Variants in ITPR1 observed in about 807,000 individuals in gnomAD.
ITPR1 encodes inositol 1,4,5-trisphosphate-gated calcium channel ITPR1.
ITPR1 carries 96 observed loss-of-function variants against 318.4 expected under a neutral mutation model. The ratio of observed to expected loss-of-function variants is 0.30; its 90% CI spans 0.26 to 0.36. ITPR1 has a LOEUF of 0.36. Ranked by LOEUF, ITPR1 falls within the 10% of genes least tolerant of loss-of-function variation. The probability of loss-of-function intolerance (pLI) is 1.00; values close to 1 mark genes in which losing one functional copy is unlikely to be tolerated. For missense variants in ITPR1, 2,440 were observed against 3,460.2 expected, an observed-to-expected ratio of 0.71 and a Z score of 7.40; for synonymous variants, 1,312 against 1,289.9, an observed-to-expected ratio of 1.02 and a Z score of -0.37.
chr3:4,536,347 T>C (rs547463931), intron 4 of ITPR1, among the ~76,000 whole-genome samples: 23 of 152,248 alleles, frequency 1.5e-4, no homozygotes, highest in Non-Finnish European at 3.1e-4. Flanking sequence ...GAGGTATATT[T>C]AAGGGAATAC....
intron 4 of ITPR1, among the ~76,000 whole-genome samples, chr3:4,590,214 A>G (rs1316980439): frequency 8.3e-6 from 1 of 120,684 alleles, no homozygotes; most frequent in African/African-American, 3.3e-5. Context: ...AGCAGGTACT[A>G]CTCTCAACAC....
chr3:4,506,860 G>A (rs1012389684), intron 2 of ITPR1, among the ~76,000 whole-genome samples: 6 of 152,100 alleles, frequency 3.9e-5, no homozygotes, highest in Admixed American at 6.6e-5. Context: ...AAAGTTTATG[G>A]CAGCAGTTTT....
intron 2 of ITPR1, among the ~76,000 whole-genome samples, chr3:4,510,963 G>A (rs944644622): frequency 2.6e-5 from 4 of 152,288 alleles, no homozygotes; most frequent in Admixed American, 6.5e-5. Context: ...GACTGGAGGA[G>A]CCACCAGGCT....
intron 4 of ITPR1, among the ~76,000 whole-genome samples, chr3:4,578,064 C>T (rs1199410819): frequency 6.6e-6 from 1 of 152,164 alleles, no homozygotes; most frequent in Non-Finnish European, 1.5e-5. Flanking sequence ...AAATATTAGC[C>T]CTTCCAGCTC....
Position 4,768,759 on chromosome 3 carries a change from C to G in ITPR1, c.5974C>G (p.Leu1992Val). Residue 1992 changes from leucine to valine, a missense_variant, in exon 46 of 62, where the codon CTG (leucine) becomes GTG (valine). Coordinates refer to ENST00000649015, the MANE Select transcript of ITPR1 (RefSeq NM_001378452.1). ...QLLCENHNRD[L>V]QNFLRCQNNK... is the part of the protein sequence containing the mutation. ...CCTGTGTGAAAACCACAACCGAGAC[C>G]TGCAGGTGAGGGCCTGGGGGTGGGG... The G allele has an allele frequency of 6.2e-7, 1 of 1,609,710 alleles. No individual in the cohort carries two copies. Among genetic ancestry groups the G allele is most frequent in the Non-Finnish European group, 8.5e-7 (1 of 1,176,634 alleles).
rs567287505 is a variant in ITPR1, at chr3:4,612,379, T to C, written c.164-15384T>C. The stretch of plus-strand genomic sequence containing the variant: ...ACCTGGCCACTATATCAGGCACTTT[T>C]GAGCATCTGTGGATTATGGAATCCA... On this transcript the variant is annotated intron_variant, in intron 4 of 61. Transcript: ENST00000649015. 8.5e-5 allele frequency among the ~76,000 whole-genome samples: 13 copies of C among 152,194 alleles called. No homozygotes were observed. The East Asian group carries it at 1.7e-3, about 20-fold the overall frequency.
At chr3:4,814,754 C>T (rs1193831355) in intron 58 of ITPR1, 192 bp downstream of exon 58, 7 of 629,140 alleles carry the variant, frequency 1.1e-5, no homozygotes, top group African/African-American at 1.8e-5. Flanking sequence ...AAGTCAGCTG[C>T]GTGGAAAGGG....
Position 4,497,270 on chromosome 3 carries a change from G to A in ITPR1, c.-17+2764G>A, listed in dbSNP as rs533229293. On this transcript the variant is annotated intron_variant, in intron 2 of 61. Transcript: ENST00000649015. ...CATTCAACTTTGAGATTTCTAAATT[G>A]GATGTAGTTTAAGGCACATGGTGTG... Among the ~76,000 whole-genome samples the A allele has an allele frequency of 9.8e-5, 15 of 152,314 alleles. No individual in the cohort carries two copies. In the South Asian group the frequency reaches 3.1e-3, roughly 32 times the overall value.
At chr3:4,565,206 A>G (rs1050443701) in intron 4 of ITPR1, among the ~76,000 whole-genome samples, 1 of 152,188 alleles carries the variant, frequency 6.6e-6, no homozygotes, top group Non-Finnish European at 1.5e-5. Flanking sequence ...AGTTGAGGGA[A>G]CTGAGGCTTA....
rs566185575 is a variant in ITPR1 at position 4,707,939 on chromosome 3, C to T, written c.4842+1588C>T. Among the ~76,000 whole-genome samples the T allele has an allele frequency of 5.0e-4, 76 of 152,256 alleles. 1 individual carries two copies. Among genetic ancestry groups the T allele is most frequent in the African/African-American group, 1.7e-3 (70 of 41,558 alleles). On this transcript the variant is annotated intron_variant, in intron 37 of 61. Coordinates refer to ENST00000649015, the MANE Select transcript of ITPR1 (RefSeq NM_001378452.1). The stretch of plus-strand genomic sequence containing the variant: ...AAACCAGAAATGATGATCTTTGTCT[C>T]ATAGTATCTCAAGTATCAGAAGGGA...
intron 44 of ITPR1, among the ~76,000 whole-genome samples, chr3:4,744,729 G>T (rs1472422801): frequency 6.6e-6 from 1 of 152,156 alleles, no homozygotes; most frequent in Non-Finnish European, 1.5e-5. Flanking sequence ...TTTCCCCTTT[G>T]TTCTGTGCTC....
intron 57 of ITPR1, among the ~76,000 whole-genome samples, chr3:4,814,140 G>C (rs1282147624): frequency 6.6e-6 from 1 of 152,144 alleles, no homozygotes; most frequent in Non-Finnish European, 1.5e-5. Context: ...TTTGCGGCTG[G>C]GTCTGGGGTT....
chr3:4,629,482 A>G (rs1452123897), intron 5 of ITPR1, among the ~76,000 whole-genome samples: 2 of 152,164 alleles, frequency 1.3e-5, no homozygotes, highest in African/African-American at 4.8e-5. Context: ...AGCTTCGTTA[A>G]TTATCACCTG....
At chr3:4,497,547 T>G (rs2080688206) in intron 2 of ITPR1, among the ~76,000 whole-genome samples, 1 of 152,112 alleles carries the variant, frequency 6.6e-6, no homozygotes, top group Non-Finnish European at 1.5e-5. Flanking sequence ...AAAAGAAAAC[T>G]GGTTAAAGGG....
intron 60 of ITPR1, chr3:4,825,727 G>A (rs2050029776): frequency 2.2e-6 from 1 of 456,584 alleles, no homozygotes; most frequent in South Asian, 1.5e-5. Flanking sequence ...TTTAAAAGGG[G>A]AACTGGCTGA....
chr3:4,716,478 C>T (rs778825127), intron 39 of ITPR1, among the ~76,000 whole-genome samples: 5 of 152,082 alleles, frequency 3.3e-5, no homozygotes, highest in African/African-American at 1.2e-4. Flanking sequence ...AATCCATTTC[C>T]CTTCTGAATA....
intron 60 of ITPR1, among the ~76,000 whole-genome samples, chr3:4,828,217 T>G (rs3805027): frequency 0.41 from 62,025 of 151,982 alleles, 12,919 homozygotes; most frequent in Middle Eastern, 0.52. Flanking sequence ...CAATGCATTG[T>G]TGTATAAAAG....
At chr3:4,533,849 T>C (rs2083625115) in intron 4 of ITPR1, among the ~76,000 whole-genome samples, 1 of 152,192 alleles carries the variant, frequency 6.6e-6, no homozygotes. Flanking sequence ...CTCGAGATGG[T>C]AATCCTGCCT....
Position 4,782,705 on chromosome 3 carries a change from G to A in ITPR1, c.6474G>A (p.Arg2158=), listed in dbSNP as rs2125397953. The A allele has an allele frequency of 3.1e-6, 5 of 1,593,188 alleles. No individual in the cohort carries two copies. The highest frequency in any genetic ancestry group is 4.3e-6 in the Non-Finnish European group (5 of 1,169,166). The change falls in exon 50 of 62, where the codon AGG becomes AGA. Residue 2158 remains arginine (R), a synonymous_variant. Coordinates refer to ENST00000649015, the MANE Select transcript of ITPR1 (RefSeq NM_001378452.1). Reference sequence around the variant, plus strand: ...GTGAGGATGGGGCGGCGTCCCCCAGGAACGTGGGGCACAACATCTACATAT... The same window carrying A: ...GTGAGGATGGGGCGGCGTCCCCCAGAAACGTGGGGCACAACATCTACATAT... ...ENGEDGAASP[R]NVGHNIYILA...
Sources: gnomAD v4.1 joint callset for allele counts (sites outside exome capture counted in the v4.1 genomes callset) on GRCh38, gnomAD v4.1.1 for gene constraint, MANE v1.5 for transcripts, NCBI Gene and HGNC (gene_info 2026-07-23, HGNC 2026-07-21) for gene names.